The following FAM135B variants were observed in gnomAD, a reference collection of about 807,000 sequenced individuals.
The protein encoded by FAM135B is protein FAM135B.
Under a neutral mutation model 127.7 loss-of-function variants are expected in FAM135B, and 43 were observed. That is an observed-to-expected ratio of 0.34 (90% CI 0.26 to 0.43). The LOEUF (loss-of-function observed/expected upper bound fraction) is 0.43, where lower values mean the gene tolerates loss of function less well. FAM135B is among the 20% of genes least tolerant of loss of function. The pLI, the probability that FAM135B is intolerant of heterozygous loss-of-function variation, is 1.00. For synonymous variants in FAM135B, 670 were observed against 665.1 expected (o/e 1.01, Z -0.11); for missense variants, 1,558 against 1,725.6 (o/e 0.90, Z 1.72).
chr8:138,231,548 C>T (rs541760037), intron 7 of FAM135B, among the ~76,000 whole-genome samples: 13 of 152,214 alleles, frequency 8.5e-5, no homozygotes, highest in African/African-American at 2.7e-4. Context: ...CTGATGACTC[C>T]GTGCTAGGTG....
At position 138,337,458 on chromosome 8, in the gene FAM135B, C is replaced by T. The variant is rs895511814; in HGVS notation, c.78-26538G>A. On this transcript the variant is annotated intron_variant, in intron 2 of 19. Coordinates refer to ENST00000395297, the MANE Select transcript of FAM135B (RefSeq NM_015912.4). ...CAAAAATCACAAGCATTCTTATACA[C>T]CAATAGCAGACAAACAGAGGGCCAA... Among the ~76,000 whole-genome samples, 1,006 of 151,290 alleles carry T rather than the reference C, an allele frequency of 6.6e-3. 14 individuals carry two copies. Among genetic ancestry groups the T allele is most frequent in the African/African-American group, 0.024 (963 of 40,892 alleles).
chr8:138,266,757 T>C (rs1468810436), intron 3 of FAM135B, among the ~76,000 whole-genome samples: 1 of 150,164 alleles, frequency 6.7e-6, no homozygotes. Flanking sequence ...CAGTTGGATA[T>C]ACATGTAAAT....
intron 2 of FAM135B, among the ~76,000 whole-genome samples, chr8:138,366,367 C>T (rs1830734464): frequency 6.6e-6 from 1 of 152,186 alleles, no homozygotes; most frequent in Admixed American, 6.5e-5. Context: ...GCTCCTGAAG[C>T]AGTAGCACAG....
intron 1 of FAM135B, among the ~76,000 whole-genome samples, chr8:138,494,799 A>AT (rs1198210436): frequency 1.3e-5 from 2 of 151,760 alleles, no homozygotes; most frequent in East Asian, 3.9e-4. Flanking sequence ...GAACAGTTAA[A>AT]TGAGTCCCTA....
In FAM135B at chr8:138,496,875, C is replaced by CCCG. The variant is rs1393839115; in HGVS notation, c.-227_-225dup. Reference sequence around the variant, plus strand: ...GAGGAGCGAGCGGATGCTGCCCTCGCCCGCCGCCGCCGGTGCTGATGCGGT... The same window carrying CCCG: ...GAGGAGCGAGCGGATGCTGCCCTCGCCCGCCGCCGCCGCCGGTGCTGATGCGGT... On this transcript the variant is annotated 5_prime_UTR_variant, in exon 1 of 20. Coordinates refer to ENST00000395297, the MANE Select transcript of FAM135B (RefSeq NM_015912.4). 2 of 151,820 alleles carry CCCG rather than the reference C, an allele frequency of 1.3e-5. No individual in the cohort carries two copies. The highest frequency in any genetic ancestry group is 2.9e-5 in the Non-Finnish European group (2 of 68,024). 9.4% of individuals were successfully genotyped at this position (151,820 alleles called of 1,614,324 possible). A position where few individuals can be genotyped will look rare whatever the true frequency, so the allele number is the denominator to read the frequency against.
rs148653801 is a variant in FAM135B, at chr8:138,434,333, G to A, written c.-20+62338C>T. Among the ~76,000 whole-genome samples the A allele has an allele frequency of 1.4e-3, 211 of 152,296 alleles. 1 individual carries two copies. Among genetic ancestry groups the A allele is most frequent in the African/African-American group, 4.6e-3 (192 of 41,566 alleles). On this transcript the variant is annotated intron_variant, in intron 1 of 19. Transcript: ENST00000395297. ...TATTCTTTGGGAGTGAGAATAATCA[G>A]GAAAGCTTACAAGAAGGTGACAAGG...
At chr8:138,222,898 A>C (rs1819143942) in intron 7 of FAM135B, among the ~76,000 whole-genome samples, 1 of 152,182 alleles carries the variant, frequency 6.6e-6, no homozygotes, top group Non-Finnish European at 1.5e-5. Flanking sequence ...GGAGAAAGAC[A>C]CATTGCCTTC....
rs373153841 is a variant in FAM135B at position 138,153,049 on chromosome 8, C to G, written c.1426G>C (p.Val476Leu). 6.2e-7 allele frequency: 1 copy of G among 1,614,184 alleles called. No individual in the cohort carries two copies. The highest frequency in any genetic ancestry group is 8.5e-7 in the Non-Finnish European group (1 of 1,180,022). The change falls in exon 13 of 20, where the codon GTT becomes CTT. Residue 476 changes from valine (V) to leucine (L), a missense_variant. Val to Leu is a conservative substitution (Grantham distance 32). This residue lies in a region of FAM135B where 923 missense variants were observed against 865.3 expected (regional missense o/e 1.07). Transcript: ENST00000395297. ...TCACCTGGCTCTGGACACCTTATAACTTCTTCATCAGAATCCATTTGGGAT... is the reference window on the plus strand; with the variant it reads ...TCACCTGGCTCTGGACACCTTATAAGTTCTTCATCAGAATCCATTTGGGAT... ...KPSQMDSDEE[V>L]IRCPEPGENV... is the part of the protein sequence containing the mutation.
At chr8:138,166,593 T>C (rs1330416074) in intron 12 of FAM135B, among the ~76,000 whole-genome samples, 1 of 152,180 alleles carries the variant, frequency 6.6e-6, no homozygotes, top group East Asian at 1.9e-4. Flanking sequence ...ATAGGCTAAT[T>C]GATATAAACA....
intron 1 of FAM135B, among the ~76,000 whole-genome samples, chr8:138,476,555 TAAACAC>T (rs1445529345): frequency 6.6e-6 from 1 of 150,726 alleles, no homozygotes; most frequent in African/African-American, 2.4e-5. Context: ...GAAAAGGAAA[TAAACAC>T]AAAATAGCCT....
In FAM135B at chr8:138,243,121, G is replaced by T; in HGVS notation, c.543-53C>A. On this transcript the variant is annotated intron_variant, in intron 6 of 19. Transcript: ENST00000395297. This position sits in a 1 kb window ranked among gnomAD's most constrained non-coding sequence, Gnocchi z 7.5. ...AAAAGGAGGTAAAGAAAGTGATGGT[G>T]CCATTAACTCAGCCCCTTTGAGGAG... is the stretch of plus-strand genomic sequence containing the variant. 6.4e-7 allele frequency: 1 copy of T among 1,568,374 alleles called. No individual in the cohort carries two copies.
intron 11 of FAM135B, among the ~76,000 whole-genome samples, chr8:138,172,613 G>A (rs116806098): frequency 0.01 from 1,550 of 152,244 alleles, 18 homozygotes; most frequent in African/African-American, 0.035. Context: ...GTCCAGTGAG[G>A]GCAGAGACCT....
intron 2 of FAM135B, among the ~76,000 whole-genome samples, chr8:138,344,637 G>A (rs947097158): frequency 1.4e-5 from 2 of 141,952 alleles, no homozygotes; most frequent in Admixed American, 7.5e-5. Flanking sequence ...GTGCAGTGGC[G>A]CGATCTCAGC....
At chr8:138,227,900 G>T (rs779477646) in intron 7 of FAM135B, among the ~76,000 whole-genome samples, 1 of 151,900 alleles carries the variant, frequency 6.6e-6, no homozygotes, top group African/African-American at 2.4e-5. Flanking sequence ...AAGGTGAACT[G>T]CAATGAAAAA....
Position 138,468,843 on chromosome 8 carries a change from G to A in FAM135B, c.-20+27828C>T, listed in dbSNP as rs1173750335. Among the ~76,000 whole-genome samples, 12 of 152,224 alleles carry A rather than the reference G, an allele frequency of 7.9e-5. No individual in the cohort carries two copies. The South Asian group carries it at 8.3e-4, about 11-fold the overall frequency. On this transcript the variant is annotated intron_variant, in intron 1 of 19. Transcript: ENST00000395297. ...GCAGATCACCTGAGGTCAAGAGTTC[G>A]AGACCAGCCTGGCCAACAAAGTGAA... is the stretch of plus-strand genomic sequence containing the variant.
chr8:138,379,996 G>T (rs1831740467), intron 1 of FAM135B, among the ~76,000 whole-genome samples: 1 of 152,174 alleles, frequency 6.6e-6, no homozygotes, highest in South Asian at 2.1e-4. Flanking sequence ...CTAATTTTAA[G>T]GTTCTGCATT....
At chr8:138,224,162 T>C (rs937104879) in intron 7 of FAM135B, among the ~76,000 whole-genome samples, 1 of 152,228 alleles carries the variant, frequency 6.6e-6, no homozygotes. Flanking sequence ...GCTGCACATG[T>C]GCCCCCTGAA....
chr8:138,472,446 T>C (rs1466645847), intron 1 of FAM135B, among the ~76,000 whole-genome samples: 3 of 152,150 alleles, frequency 2.0e-5, no homozygotes, highest in Admixed American at 6.6e-5. Context: ...AGGGAGATTA[T>C]GTAGGGACAG....
chr8:138,232,243 A>G (rs1259647893), intron 7 of FAM135B, among the ~76,000 whole-genome samples: 1 of 141,280 alleles, frequency 7.1e-6, no homozygotes, highest in Non-Finnish European at 1.6e-5. Context: ...CACCAAGGAC[A>G]TAGTGGGGGG....
Sources: gnomAD v4.1 joint callset for allele counts (sites outside exome capture counted in the v4.1 genomes callset) on GRCh38, gnomAD v4.1.1 for gene constraint, gnomAD v4.1.1 regional missense constraint, Gnocchi (gnomAD v3.1) non-coding constraint, MANE v1.5 for transcripts, NCBI Gene and HGNC (gene_info 2026-07-23, HGNC 2026-07-21) for gene names.